The following NPAS3 variants were observed in gnomAD, a reference collection of about 807,000 sequenced individuals.
The protein encoded by NPAS3 is neuronal PAS domain-containing protein 3.
A neutral mutation model predicts 73.1 loss-of-function variants in NPAS3; 14 were observed. The observed-to-expected ratio is 0.19, with a 90% CI of 0.13 to 0.30. The LOEUF is 0.30. Ranked by LOEUF, NPAS3 falls within the 10% of genes least tolerant of loss-of-function variation. NPAS3 has a pLI of 1.00. For missense variants in NPAS3, 1,096 were observed against 1,250.0 expected (o/e 0.88, Z 1.86); for synonymous variants, 620 against 541.5 (o/e 1.14, Z -2.01).
chr14:33,789,733 C>T (rs1228373931), intron 9 of NPAS3, among the ~76,000 whole-genome samples: 3 of 146,766 alleles, frequency 2.0e-5, no homozygotes, highest in African/African-American at 5.1e-5. Flanking sequence ...GGACTACAGG[C>T]GCCCGCCACC....
chr14:33,161,868 T>A (rs537342747), intron 2 of NPAS3, among the ~76,000 whole-genome samples: 10 of 152,046 alleles, frequency 6.6e-5, no homozygotes, highest in Admixed American at 2.6e-4. Context: ...GTTGCATACA[T>A]AAGACGTGGG....
chr14:33,123,470 A>G (rs906758904), intron 2 of NPAS3, among the ~76,000 whole-genome samples: 1 of 152,112 alleles, frequency 6.6e-6, no homozygotes, highest in African/African-American at 2.4e-5. Context: ...CACCTGGTCC[A>G]GGCATGGTGA....
chr14:33,308,525 T>C lies in NPAS3; in HGVS notation c.386-58661T>C, dbSNP rs867687332. Among the ~76,000 whole-genome samples, 776 of 82,448 alleles carry C rather than the reference T, an allele frequency of 9.4e-3. 23 individuals are homozygous for C. Among genetic ancestry groups the C allele is most frequent in the Middle Eastern group, 0.027 (5 of 186 alleles). The allele number at this position is 82,448 out of a possible 152,430, so 54.1% of individuals were successfully genotyped here. A position where few individuals can be genotyped will look rare whatever the true frequency, so the allele number is the denominator to read the frequency against. ...ATTGCATAGTTTATATATATATATA[T>C]ATACATACACACACACACACACACA... On this transcript the variant is annotated intron_variant, in intron 3 of 11. Transcript: ENST00000356141.
rs149886172 is a variant in NPAS3 at position 33,631,684 on chromosome 14, A to G, written c.559-44527A>G. ...GATCTGTATCTTGTGAACTCAGCTT[A>G]GGAATTCTGCAGGCAGCATTGCCTG... On this transcript the variant is annotated intron_variant, in intron 5 of 11. Transcript: ENST00000356141. Among the ~76,000 whole-genome samples the G allele has an allele frequency of 5.6e-3, 857 of 152,290 alleles. 3 individuals carry two copies. Among genetic ancestry groups the G allele is most frequent in the Non-Finnish European group, 9.2e-3 (627 of 68,032 alleles).
At chr14:33,022,683 A>C (rs923166633) in intron 1 of NPAS3, among the ~76,000 whole-genome samples, 1 of 151,856 alleles carries the variant, frequency 6.6e-6, no homozygotes, top group African/African-American at 2.4e-5. Context: ...AAAAAAAAAA[A>C]AAAAAGTTAC....
At chr14:33,091,230 G>T (rs994299274) in intron 2 of NPAS3, among the ~76,000 whole-genome samples, 11 of 152,070 alleles carry the variant, frequency 7.2e-5, no homozygotes, top group Non-Finnish European at 1.2e-4. Flanking sequence ...CAACAAAATT[G>T]ATAGACTGCC....
rs1035285484 is a variant in NPAS3 at position 33,751,702 on chromosome 14, A to G, written c.852+16370A>G. ...CCTTTCAAGATGATAATTATCTCTC[A>G]TTAGAAAAATTTTATTTGTTCTTCA... is the stretch of plus-strand genomic sequence containing the variant. On this transcript the variant is annotated intron_variant, in intron 7 of 11. Coordinates refer to ENST00000356141, the Ensembl canonical transcript of NPAS3. Among the ~76,000 whole-genome samples, 10 of 152,214 alleles carry G rather than the reference A, an allele frequency of 6.6e-5. 1 individual carries two copies. The highest frequency in any genetic ancestry group is 2.0e-4 in the Admixed American group (3 of 15,276).
chr14:33,532,439 A>G (rs968275716), intron 4 of NPAS3, among the ~76,000 whole-genome samples: 1 of 152,076 alleles, frequency 6.6e-6, no homozygotes, highest in Admixed American at 6.6e-5. Flanking sequence ...TGGGGCAGAC[A>G]CTATGCTGAG....
chr14:33,303,453 A>G (rs1413799609), intron 3 of NPAS3, among the ~76,000 whole-genome samples: 7 of 152,142 alleles, frequency 4.6e-5, no homozygotes, highest in African/African-American at 1.4e-4. Context: ...ATCAAAGTTC[A>G]GCCAGCAAAT....
At chr14:33,541,636 G>A (rs923059277) in intron 4 of NPAS3, among the ~76,000 whole-genome samples, 2 of 152,214 alleles carry the variant, frequency 1.3e-5, no homozygotes, top group African/African-American at 4.8e-5. Flanking sequence ...AATGGGAAGA[G>A]TGTGAACACC....
intron 5 of NPAS3, among the ~76,000 whole-genome samples, chr14:33,644,867 G>A (rs936652086): frequency 6.6e-6 from 1 of 152,118 alleles, no homozygotes; most frequent in African/African-American, 2.4e-5. Flanking sequence ...CGGATCACAA[G>A]GTCAGGGGTT....
At chr14:33,144,624 C>G (rs1034895229) in intron 2 of NPAS3, among the ~76,000 whole-genome samples, 1 of 152,158 alleles carries the variant, frequency 6.6e-6, no homozygotes, top group African/African-American at 2.4e-5. Flanking sequence ...TCACTAGAGC[C>G]TTGAACTCCT....
chr14:33,127,888 A>G (rs1264796586), intron 2 of NPAS3, among the ~76,000 whole-genome samples: 2 of 152,134 alleles, frequency 1.3e-5, no homozygotes, highest in Non-Finnish European at 2.9e-5. Context: ...TCAAAAGAAT[A>G]AATAGGCAAT....
chr14:33,436,858 T>A (rs1346862657), intron 4 of NPAS3, among the ~76,000 whole-genome samples: 1 of 152,192 alleles, frequency 6.6e-6, no homozygotes, highest in Non-Finnish European at 1.5e-5. Context: ...CCAAGGACAT[T>A]GACTTTTTTA....
chr14:33,058,545 TA>T (rs1278918232), intron 2 of NPAS3, among the ~76,000 whole-genome samples: 17 of 152,232 alleles, frequency 1.1e-4, no homozygotes, highest in Admixed American at 2.0e-4. Context: ...GCTTATAGTC[TA>T]TTACAGCGAC....
At chr14:33,087,631 T>A (rs576291890) in intron 2 of NPAS3, among the ~76,000 whole-genome samples, 1 of 152,194 alleles carries the variant, frequency 6.6e-6, no homozygotes, top group Non-Finnish European at 1.5e-5. Flanking sequence ...AGTAGTATTA[T>A]ATTGTTAATG....
intron 1 of NPAS3, among the ~76,000 whole-genome samples, chr14:33,003,942 G>A (rs1328774046): frequency 6.6e-6 from 1 of 152,158 alleles, no homozygotes; most frequent in Admixed American, 6.5e-5. Context: ...AAGTGGTTGA[G>A]TGGGTACGGT....
At chr14:33,735,064 A>G in intron 6 of NPAS3, 150 bp from the exon 7 acceptor site, 1 of 645,658 alleles carries the variant, frequency 1.5e-6, no homozygotes, top group East Asian at 2.6e-5. Context: ...CAAAGTAAAC[A>G]TTTTCTAAAT....
intron 1 of NPAS3, among the ~76,000 whole-genome samples, chr14:32,972,215 G>C (rs985825534): frequency 6.6e-6 from 1 of 152,048 alleles, no homozygotes; most frequent in Non-Finnish European, 1.5e-5. Context: ...TGGGATTACA[G>C]GCGTGAGCCA....
Sources: allele counts gnomAD v4.1 joint callset (sites outside exome capture counted in the v4.1 genomes callset), GRCh38; gene constraint gnomAD v4.1.1; transcripts MANE v1.5; gene names NCBI Gene and HGNC (gene_info 2026-07-23, HGNC 2026-07-21).